PARD3: variants seen among roughly 807,000 people sequenced by gnomAD.
PARD3 encodes par-3 family cell polarity regulator, also known as partitioning defective 3 homolog.
In PARD3, 75 loss-of-function variants were observed where a neutral mutation model predicts 155.4. The ratio of observed to expected loss-of-function variants is 0.48; its 90% CI spans 0.40 to 0.58. The LOEUF (loss-of-function observed/expected upper bound fraction) is 0.58. Ranked by LOEUF, PARD3 falls within the 20% of genes least tolerant of loss-of-function variation. The pLI is 0.00. For missense variants in PARD3, 1,642 were observed against 1,721.7 expected (o/e 0.95, Z 0.82); for synonymous variants, 576 against 610.5 (o/e 0.94, Z 0.83).
intron 2 of PARD3, among the ~76,000 whole-genome samples, chr10:34,616,342 A>AAATTAAAAAAT (rs367862817): frequency 1.3e-5 from 2 of 152,166 alleles, no homozygotes; most frequent in Non-Finnish European, 2.9e-5. Flanking sequence ...AATTAAAAAA[A>AAATTAAAAAAT]GCAGAACAAT....
At position 34,193,935 on chromosome 10, in the gene PARD3, T is replaced by G. The variant is rs75377806; in HGVS notation, c.3420-62352A>C. On this transcript the variant is annotated intron_variant, in intron 22 of 24. Transcript: ENST00000374788. The stretch of plus-strand genomic sequence containing the variant: ...GCTCCTCCTCCTGTGACCCTGGGCA[T>G]GGGCTTGGACAGGGCTCTGGAAATA... Among the ~76,000 whole-genome samples the G allele has an allele frequency of 3.4e-3, 520 of 152,282 alleles. 5 individuals are homozygous for G. The highest frequency in any genetic ancestry group is 0.012 in the African/African-American group (497 of 41,542).
At chr10:34,679,085 C>G (rs1436607640) in intron 2 of PARD3, among the ~76,000 whole-genome samples, 1 of 152,090 alleles carries the variant, frequency 6.6e-6, no homozygotes, top group African/African-American at 2.4e-5. Flanking sequence ...AATAAACAGT[C>G]CACCCAAAAT....
intron 2 of PARD3, among the ~76,000 whole-genome samples, chr10:34,613,305 T>C (rs1222641676): frequency 6.6e-6 from 1 of 152,218 alleles, no homozygotes; most frequent in African/African-American, 2.4e-5. Flanking sequence ...TTCTTTTTGA[T>C]TCAGCTTTTA....
chr10:34,644,828 T>C (rs532109039), intron 2 of PARD3, among the ~76,000 whole-genome samples: 5 of 152,320 alleles, frequency 3.3e-5, no homozygotes, highest in African/African-American at 7.2e-5. Context: ...AGGAATCTAA[T>C]TGCTGAATAG....
intron 16 of PARD3, among the ~76,000 whole-genome samples, chr10:34,339,527 G>A (rs1044685838): frequency 3.3e-5 from 5 of 152,162 alleles, no homozygotes; most frequent in African/African-American, 9.7e-5. Context: ...ACATATTGGT[G>A]CACCTTTAAT....
chr10:34,753,246 T>C (rs924601690), intron 1 of PARD3, among the ~76,000 whole-genome samples: 1 of 152,226 alleles, frequency 6.6e-6, no homozygotes, highest in Non-Finnish European at 1.5e-5. Context: ...GCACTTGGAC[T>C]GACAAATGGA....
At chr10:34,612,561 T>C (rs979960187) in intron 2 of PARD3, among the ~76,000 whole-genome samples, 2 of 152,250 alleles carry the variant, frequency 1.3e-5, no homozygotes, top group East Asian at 3.9e-4. Flanking sequence ...CAGTCCTAGC[T>C]CAGCTCCTTA....
At chr10:34,808,271 G>C (rs889088916) in intron 1 of PARD3, among the ~76,000 whole-genome samples, 3 of 151,992 alleles carry the variant, frequency 2.0e-5, no homozygotes, top group Non-Finnish European at 4.4e-5. Flanking sequence ...CAGAGATCAC[G>C]CCACTTCACT....
rs377137362 is a variant in PARD3 at position 34,612,115 on chromosome 10, C to T, written c.222+84203G>A. ...TGCTCGGATTACAGGCGTGAGCCAC[C>T]GTGCCCAGCTGTGATACATTTCTAA... On this transcript the variant is annotated intron_variant, in intron 2 of 24. Coordinates refer to ENST00000374788, the MANE Select transcript of PARD3 (RefSeq NM_001184785.2). Among the ~76,000 whole-genome samples the T allele has an allele frequency of 2.9e-4, 44 of 152,190 alleles. No individual in the cohort carries two copies. In the South Asian group the frequency reaches 3.3e-3, roughly 11 times the overall value.
At chr10:34,243,218 C>T (rs977418091) in intron 22 of PARD3, among the ~76,000 whole-genome samples, 7 of 152,106 alleles carry the variant, frequency 4.6e-5, no homozygotes, top group African/African-American at 9.7e-5. Flanking sequence ...CGGTGGTTCA[C>T]GTACTGACAG....
At chr10:34,424,898 T>C (rs1163372350) in intron 5 of PARD3, among the ~76,000 whole-genome samples, 1 of 152,172 alleles carries the variant, frequency 6.6e-6, no homozygotes, top group Non-Finnish European at 1.5e-5. Context: ...AAATCTCCTT[T>C]ACTATTTAAA....
chr10:34,792,781 AAAG>A (rs1197710291), intron 1 of PARD3, among the ~76,000 whole-genome samples: 2 of 152,240 alleles, frequency 1.3e-5, no homozygotes, highest in African/African-American at 4.8e-5. Flanking sequence ...CACCCTCGCC[AAAG>A]AAGGAGACTG....
At chr10:34,650,566 A>G (rs1449808905) in intron 2 of PARD3, among the ~76,000 whole-genome samples, 2 of 152,194 alleles carry the variant, frequency 1.3e-5, no homozygotes, top group Non-Finnish European at 1.5e-5. Flanking sequence ...AGTTGCTTCA[A>G]TGATTACAGA....
At chr10:34,529,396 T>C (rs2082687429) in intron 2 of PARD3, among the ~76,000 whole-genome samples, 1 of 152,218 alleles carries the variant, frequency 6.6e-6, no homozygotes, top group Non-Finnish European at 1.5e-5. Context: ...TAGCATGGAA[T>C]AGCTGGATCA....
At chr10:34,553,694 C>T (rs1209297928) in intron 2 of PARD3, among the ~76,000 whole-genome samples, 4 of 152,132 alleles carry the variant, frequency 2.6e-5, no homozygotes, top group Non-Finnish European at 4.4e-5. Context: ...TTACATGAAT[C>T]GAATGTTGGG....
chr10:34,383,070 C>A, intron 8 of PARD3, 148 bp from the exon 9 acceptor site: 1 of 758,928 alleles, frequency 1.3e-6, no homozygotes, highest in Admixed American at 2.8e-5. Flanking sequence ...ATTTATCAAT[C>A]AAGTTTGCAG....
chr10:34,359,991 GTA>G (rs1232405898), intron 13 of PARD3, 78 bp downstream of exon 13: 3 of 1,058,778 alleles, frequency 2.8e-6, no homozygotes, highest in Non-Finnish European at 1.4e-6. Flanking sequence ...TCTGTTAACT[GTA>G]TATGTTTCCA....
chr10:34,153,114 T>G (rs1948851941), intron 22 of PARD3, among the ~76,000 whole-genome samples: 1 of 152,196 alleles, frequency 6.6e-6, no homozygotes, highest in African/African-American at 2.4e-5. Flanking sequence ...AAAACTTTTT[T>G]TTTGAAACAG....
chr10:34,174,515 CG>C (rs1311029753), intron 22 of PARD3, among the ~76,000 whole-genome samples: 1 of 152,100 alleles, frequency 6.6e-6, no homozygotes, highest in African/African-American at 2.4e-5. Flanking sequence ...CATTCAAGGT[CG>C]GGGGCGTGGA....
Sources: allele counts gnomAD v4.1 joint callset (sites outside exome capture counted in the v4.1 genomes callset), GRCh38; gene constraint gnomAD v4.1.1; transcripts MANE v1.5; gene names NCBI Gene and HGNC (gene_info 2026-07-23, HGNC 2026-07-21).